TCF7L1: variants seen among roughly 807,000 people sequenced by gnomAD.
TCF7L1 encodes transcription factor 7-like 1.
A neutral mutation model predicts 63.7 loss-of-function variants in TCF7L1; 18 were observed. The observed-to-expected ratio is 0.28, with a 90% CI of 0.20 to 0.42. The LOEUF (loss-of-function observed/expected upper bound fraction) is 0.42, where lower values mean the gene tolerates loss of function less well. Among genes scored for constraint, TCF7L1 ranks in the 10% least tolerant of loss-of-function variants. The pLI is 1.00. For synonymous variants in TCF7L1, 355 were observed against 340.9 expected (o/e 1.04, Z -0.46); for missense variants, 654 against 779.3 (o/e 0.84, Z 1.91).
chr2:85,216,679 C>T (rs1029337161), intron 3 of TCF7L1, among the ~76,000 whole-genome samples: 1 of 152,152 alleles, frequency 6.6e-6, no homozygotes, highest in Non-Finnish European at 1.5e-5. Context: ...GCATCCCCCT[C>T]TCCAGTTAGC....
At chr2:85,293,455 C>T (rs1681772363) in intron 4 of TCF7L1, among the ~76,000 whole-genome samples, 2 of 152,174 alleles carry the variant, frequency 1.3e-5, no homozygotes, top group African/African-American at 4.8e-5. Context: ...TAAAAGTTTC[C>T]TGAGGCCTCC....
At chr2:85,256,246 G>A (rs1163042244) in intron 3 of TCF7L1, among the ~76,000 whole-genome samples, 5 of 145,752 alleles carry the variant, frequency 3.4e-5, no homozygotes, top group East Asian at 2.3e-4. Context: ...GTGCGTCCGC[G>A]CGCCGAAGGC....
At position 85,297,314 on chromosome 2, in the gene TCF7L1, C is replaced by T. The variant is rs1210832887; in HGVS notation, c.526-5170C>T. ...TGCAGAGACTCTTGACTTACCTTCA[C>T]ATTTTTCGTAGCCTGCAGCACACCA... On this transcript the variant is annotated intron_variant, in intron 4 of 11. Transcript: ENST00000282111. Among the ~76,000 whole-genome samples the T allele has an allele frequency of 3.9e-5, 6 of 152,180 alleles. 1 individual carries two copies. In the South Asian group the frequency reaches 8.3e-4, roughly 21 times the overall value.
At chr2:85,261,123 GGTGTGTGTGTGTGTGTGTGTGTGT>G (rs3223762) in intron 3 of TCF7L1, among the ~76,000 whole-genome samples, 18 of 106,772 alleles carry the variant, frequency 1.7e-4, no homozygotes, top group Non-Finnish European at 3.1e-4. Context: ...AATTATTGCT[GGTGTGTGTGTGTGTGTGTGTGTGT>G]GTGTGTGTGT....
chr2:85,160,468 G>A (rs1279088045), intron 3 of TCF7L1, among the ~76,000 whole-genome samples: 2 of 152,116 alleles, frequency 1.3e-5, no homozygotes, highest in Non-Finnish European at 2.9e-5. Flanking sequence ...CAGGTGATCA[G>A]CCCACCTCAG....
At chr2:85,144,405 AC>A (rs1190370007) in intron 3 of TCF7L1, among the ~76,000 whole-genome samples, 2 of 126,482 alleles carry the variant, frequency 1.6e-5, no homozygotes, top group Non-Finnish European at 3.3e-5. Flanking sequence ...ACTTGGCAAA[AC>A]CCTGTCTCTA....
chr2:85,252,906 A>C (rs1680628937), intron 3 of TCF7L1, among the ~76,000 whole-genome samples: 1 of 152,012 alleles, frequency 6.6e-6, no homozygotes, highest in Admixed American at 6.6e-5. Context: ...TGGTTTTAAA[A>C]CCTCAGAAAA....
At chr2:85,294,383 G>A (rs930914481) in intron 4 of TCF7L1, among the ~76,000 whole-genome samples, 1 of 152,002 alleles carries the variant, frequency 6.6e-6, no homozygotes, top group Non-Finnish European at 1.5e-5. Context: ...AACTCTGGGT[G>A]AATCACACTT....
At chr2:85,174,503 G>A (rs1217406888) in intron 3 of TCF7L1, among the ~76,000 whole-genome samples, 1 of 152,116 alleles carries the variant, frequency 6.6e-6, no homozygotes, top group Non-Finnish European at 1.5e-5. Flanking sequence ...CCTGGCAGGT[G>A]GGTATGAGGC....
At chr2:85,227,517 A>G (rs1336997681) in intron 3 of TCF7L1, among the ~76,000 whole-genome samples, 1 of 152,060 alleles carries the variant, frequency 6.6e-6, no homozygotes, top group Non-Finnish European at 1.5e-5. Context: ...TATTTTAATA[A>G]TAACAAAAAG....
At chr2:85,304,468 C>A (rs1284774921) in intron 7 of TCF7L1, 130 bp downstream of exon 7, 4 of 883,574 alleles carry the variant, frequency 4.5e-6, no homozygotes, top group Admixed American at 2.6e-5. Context: ...TCTCTTTGAT[C>A]AAGCATCTTC....
chr2:85,176,743 TCAGGAGG>T (rs1404781777), intron 3 of TCF7L1, among the ~76,000 whole-genome samples: 3 of 152,114 alleles, frequency 2.0e-5, no homozygotes, highest in Non-Finnish European at 4.4e-5. Context: ...TCCCAGGACT[TCAGGAGG>T]CTGAAGCAGG....
intron 3 of TCF7L1, among the ~76,000 whole-genome samples, chr2:85,139,193 G>C (rs1267393428): frequency 3.3e-5 from 5 of 152,066 alleles, no homozygotes; most frequent in Non-Finnish European, 4.4e-5. Context: ...ATTTTTAGTA[G>C]AGACAGGGTT....
intron 3 of TCF7L1, among the ~76,000 whole-genome samples, chr2:85,173,795 G>GGCGCGATCTCGGCTCACTGCAACCTCGC (rs1437648189): frequency 6.6e-6 from 1 of 151,756 alleles, no homozygotes; most frequent in Non-Finnish European, 1.5e-5. Flanking sequence ...GGAGTGCAAT[G>GGCGCGATCTCGGCTCACTGCAACCTCGC]GCGCGATCTC....
chr2:85,261,135 T>G (rs1167736863), intron 3 of TCF7L1, among the ~76,000 whole-genome samples: 46 of 145,098 alleles, frequency 3.2e-4, no homozygotes, highest in Admixed American at 6.7e-4. Flanking sequence ...TGTGTGTGTG[T>G]GTGTGTGTGT....
intron 4 of TCF7L1, among the ~76,000 whole-genome samples, chr2:85,298,206 A>AAAAAAAAAAAAAAT (rs1558660087): frequency 2.7e-5 from 4 of 147,252 alleles, no homozygotes; most frequent in African/African-American, 7.5e-5. Context: ...AAAAAAAAAA[A>AAAAAAAAAAAAAAT]GTGCAGGCCG....
intron 3 of TCF7L1, among the ~76,000 whole-genome samples, chr2:85,191,820 C>G (rs1040633419): frequency 2.1e-5 from 3 of 140,614 alleles, no homozygotes; most frequent in African/African-American, 8.4e-5. Flanking sequence ...AGTGAAACTC[C>G]ATCTCAAAAA....
chr2:85,305,419 C>G lies in TCF7L1; in HGVS notation c.989+16C>G. 6.3e-7 allele frequency: 1 copy of G among 1,596,298 alleles called. No individual in the cohort carries two copies. Among genetic ancestry groups the G allele is most frequent in the Non-Finnish European group, 8.5e-7 (1 of 1,170,702 alleles). ...CAGTGAGCGTGTAAGTAAGCGGCAGCCTGGATTCAGGTGGGAGGGTGCAGG... is the reference window on the plus strand; with the variant it reads ...CAGTGAGCGTGTAAGTAAGCGGCAGGCTGGATTCAGGTGGGAGGGTGCAGG... On this transcript the variant is annotated intron_variant, in intron 8 of 11. Transcript: ENST00000282111.
At chr2:85,183,943 G>C (rs1057063032) in intron 3 of TCF7L1, among the ~76,000 whole-genome samples, 4 of 152,228 alleles carry the variant, frequency 2.6e-5, no homozygotes, top group African/African-American at 9.6e-5. Context: ...GCCTGGAGAA[G>C]AGGGAAAGTC....
Sources: gnomAD v4.1 joint callset for allele counts (sites outside exome capture counted in the v4.1 genomes callset) on GRCh38, gnomAD v4.1.1 for gene constraint, MANE v1.5 for transcripts, NCBI Gene and HGNC (gene_info 2026-07-23, HGNC 2026-07-21) for gene names.